The following N4BP2 variants were observed in gnomAD, a reference collection of about 807,000 sequenced individuals.
N4BP2 encodes NEDD4-binding protein 2.
In N4BP2, 91 loss-of-function variants were observed where a neutral mutation model predicts 152.8. That is an observed-to-expected ratio of 0.60 (90% CI 0.50 to 0.71). The LOEUF (loss-of-function observed/expected upper bound fraction) is 0.71. Among genes scored for constraint, N4BP2 ranks in the 30% least tolerant of loss-of-function variants. The pLI, the probability that N4BP2 is intolerant of heterozygous loss-of-function variation, is 0.00. For missense variants in N4BP2, 1,923 were observed against 2,059.1 expected (o/e 0.93, Z 1.28); for synonymous variants, 646 against 705.3 (o/e 0.92, Z 1.33).
the N4BP2 span, among the ~76,000 whole-genome samples, chr4:40,168,623 T>C: frequency 6.6e-6 from 1 of 151,986 alleles, no homozygotes; most frequent in African/African-American, 2.4e-5. Flanking sequence ...ACAGATCTAG[T>C]AGACAAAAAA....
At chr4:40,103,376 C>T (rs547181766) in intron 4 of N4BP2, among the ~76,000 whole-genome samples, 158 bp downstream of exon 4, 1 of 152,242 alleles carries the variant, frequency 6.6e-6, no homozygotes, top group South Asian at 2.1e-4. Flanking sequence ...TAGCTAATAA[C>T]ACTGTTTTCT....
chr4:40,170,439 C>G, the N4BP2 span, among the ~76,000 whole-genome samples: 2 of 151,838 alleles, frequency 1.3e-5, no homozygotes. Flanking sequence ...GGCAACATGA[C>G]GATACCCTGT....
At chr4:40,138,490 T>C (rs1719608422) in intron 14 of N4BP2, among the ~76,000 whole-genome samples, 1 of 152,222 alleles carries the variant, frequency 6.6e-6, no homozygotes. Context: ...AAATCCAATG[T>C]CATGAACTTT....
Position 40,142,722 on chromosome 4 carries a change from A to T in N4BP2, c.4835A>T (p.Gln1612Leu), listed in dbSNP as rs757118577. ...TEETPSELSF[Q>L]DFEYPDYDDY... ...GAAACACCAAGTGAACTGTCTTTCC[A>T]GGACTTTGAGTACCCAGACTATGAT... is the stretch of plus-strand genomic sequence containing the variant. Residue 1612 changes from glutamine (Q) to leucine (L), a missense_variant, in exon 15 of 18, where the codon CAG becomes CTG. Coordinates refer to ENST00000261435, the MANE Select transcript of N4BP2 (RefSeq NM_018177.6). 1 of 1,613,926 alleles carries T rather than the reference A, an allele frequency of 6.2e-7. No homozygotes were observed.
Position 40,152,918 on chromosome 4 carries a change from C to T in N4BP2, c.5267+15C>T. ...CATAGCTTCAGGTGAGTGTAGATTT[C>T]TGTTATTAATAATGGCAACTGCCCA... On this transcript the variant is annotated intron_variant, in intron 17 of 17. Coordinates refer to ENST00000261435, the MANE Select transcript of N4BP2 (RefSeq NM_018177.6). 1 of 1,612,728 alleles carries T rather than the reference C, an allele frequency of 6.2e-7. No individual in the cohort carries two copies. Among genetic ancestry groups the T allele is most frequent in the Non-Finnish European group, 8.5e-7 (1 of 1,179,414 alleles).
intron 1 of N4BP2, among the ~76,000 whole-genome samples, chr4:40,062,879 T>A (rs1361683203): frequency 6.6e-6 from 1 of 152,234 alleles, no homozygotes; most frequent in African/African-American, 2.4e-5. Flanking sequence ...GGGCCTCCTC[T>A]TTGTGTCCTT....
chr4:40,141,351 G>A (rs554109059), intron 14 of N4BP2, among the ~76,000 whole-genome samples: 1 of 151,722 alleles, frequency 6.6e-6, no homozygotes, highest in African/African-American at 2.4e-5. Flanking sequence ...CCGGGCGGAG[G>A]GTCTCCTCAC....
intron 7 of N4BP2, among the ~76,000 whole-genome samples, chr4:40,115,215 T>C (rs1417213627): frequency 6.6e-6 from 1 of 152,196 alleles, no homozygotes; most frequent in African/African-American, 2.4e-5. Context: ...TCCCTATGTA[T>C]GCCAGGTGTG....
intron 2 of N4BP2, among the ~76,000 whole-genome samples, chr4:40,091,672 C>T (rs1241477077): frequency 7.9e-6 from 1 of 126,102 alleles, no homozygotes; most frequent in Non-Finnish European, 1.6e-5. Flanking sequence ...GTGGTGTGAT[C>T]ATGGCTCACT....
intron 17 of N4BP2, among the ~76,000 whole-genome samples, 190 bp from the exon 18 acceptor site, chr4:40,154,002 G>T (rs1721391490): frequency 6.6e-6 from 1 of 152,112 alleles, no homozygotes; most frequent in Admixed American, 6.5e-5. Context: ...CTTTAAGATT[G>T]TATTTGTTTT....
chr4:40,082,444 G>A (rs1255921687), intron 2 of N4BP2, among the ~76,000 whole-genome samples: 1 of 151,918 alleles, frequency 6.6e-6, no homozygotes, highest in Non-Finnish European at 1.5e-5. Flanking sequence ...AATCCAAACA[G>A]ACATTTATTC....
intron 1 of N4BP2, among the ~76,000 whole-genome samples, chr4:40,064,563 G>A (rs537620594): frequency 1.3e-5 from 2 of 152,224 alleles, no homozygotes; most frequent in South Asian, 4.1e-4. Context: ...GTGAGCCACC[G>A]CGCCCGGCAA....
chr4:40,117,921 T>C lies in N4BP2; in HGVS notation c.1717T>C (p.Tyr573His), dbSNP rs551905182. The change falls in exon 8 of 18, where the codon TAT becomes CAT. Residue 573 changes from tyrosine (Y) to histidine (H), a missense_variant. Physicochemically the swap from Tyr to His is moderately conservative, Grantham distance 83. Transcript: ENST00000261435. ...AAAAATAACAAGAATGTTGGAACAT[T>C]ATCAACGTTTTGTTTCAGTGCCAAT... ...KEKITRMLEH[Y>H]QRFVSVPIIM... 1.2e-6 allele frequency: 2 copies of C among 1,612,862 alleles called. No individual in the cohort carries two copies. Among genetic ancestry groups the C allele is most frequent in the East Asian group, 2.2e-5 (1 of 44,760 alleles).
intron 8 of N4BP2, among the ~76,000 whole-genome samples, chr4:40,118,923 A>C (rs1292710349): frequency 1.3e-5 from 2 of 152,238 alleles, no homozygotes; most frequent in Non-Finnish European, 2.9e-5. Context: ...TGAATTATCC[A>C]TATGTTTTGA....
chr4:40,076,730 C>T (rs528798743), intron 2 of N4BP2, among the ~76,000 whole-genome samples: 24 of 152,214 alleles, frequency 1.6e-4, no homozygotes, highest in East Asian at 3.9e-4. Context: ...CCTTGTGGTC[C>T]GCCCGCCTTG....
chr4:40,178,343 A>G, the N4BP2 span, among the ~76,000 whole-genome samples: 2 of 152,214 alleles, frequency 1.3e-5, no homozygotes, highest in African/African-American at 4.8e-5. Flanking sequence ...GTTAGCAAGT[A>G]AAATCAAAAG....
intron 4 of N4BP2, among the ~76,000 whole-genome samples, chr4:40,104,933 T>G (rs189635478): frequency 2.0e-5 from 3 of 151,442 alleles, no homozygotes; most frequent in Admixed American, 2.0e-4. Context: ...GCCTCCGGAG[T>G]AGCGGGACTA....
the N4BP2 span, among the ~76,000 whole-genome samples, chr4:40,188,276 C>T: frequency 1.3e-5 from 2 of 151,376 alleles, no homozygotes; most frequent in African/African-American, 4.9e-5. Flanking sequence ...CGGCTACCAT[C>T]ATAAAGATGT....
intron 2 of N4BP2, among the ~76,000 whole-genome samples, chr4:40,093,756 G>A (rs148132445): frequency 6.6e-6 from 1 of 152,166 alleles, no homozygotes; most frequent in East Asian, 1.9e-4. Context: ...GCGCGTGCCA[G>A]CGCTCCTGGC....
Sources: allele counts gnomAD v4.1 joint callset (sites outside exome capture counted in the v4.1 genomes callset), GRCh38; gene constraint gnomAD v4.1.1; transcripts MANE v1.5; gene names NCBI Gene and HGNC (gene_info 2026-07-23, HGNC 2026-07-21).